RUVBL1: variants seen among roughly 807,000 people sequenced by gnomAD.
The protein encoded by RUVBL1 is ruvB-like 1.
A neutral mutation model predicts 52.4 loss-of-function variants in RUVBL1; 4 were observed. The observed-to-expected ratio is 0.08, with a 90% CI of 0.04 to 0.17. RUVBL1 has a LOEUF of 0.17. Ranked by LOEUF, RUVBL1 falls within the 10% of genes least tolerant of loss-of-function variation. The pLI, the probability that RUVBL1 is intolerant of heterozygous loss-of-function variation, is 1.00. For synonymous variants in RUVBL1, 217 were observed against 214.4 expected, an observed-to-expected ratio of 1.01 and a Z score of -0.10; for missense variants, 298 against 572.8, an observed-to-expected ratio of 0.52 and a Z score of 4.90.
At chr3:128,136,680 A>AAGACACACAC (rs1229644881) in intron 1 of RUVBL1, among the ~76,000 whole-genome samples, 1 of 152,114 alleles carries the variant, frequency 6.6e-6, no homozygotes, top group Non-Finnish European at 1.5e-5. Flanking sequence ...TTCACCTATA[A>AAGACACACAC]AGACACACAC....
chr3:128,138,282 C>CA (rs746048081), intron 1 of RUVBL1, among the ~76,000 whole-genome samples: 72 of 151,910 alleles, frequency 4.7e-4, no homozygotes, highest in African/African-American at 1.4e-3. Flanking sequence ...CTTATATTTA[C>CA]AAAAAACTAA....
chr3:128,073,824 G>A (rs1942237240), intron 9 of RUVBL1, among the ~76,000 whole-genome samples: 3 of 152,210 alleles, frequency 2.0e-5, no homozygotes, highest in African/African-American at 7.2e-5. Flanking sequence ...AGCTCAATAA[G>A]GCTAGAAACA....
At chr3:128,132,684 T>G (rs1355098317) in intron 1 of RUVBL1, among the ~76,000 whole-genome samples, 1 of 152,120 alleles carries the variant, frequency 6.6e-6, no homozygotes, top group East Asian at 1.9e-4. Flanking sequence ...AACCCAGACT[T>G]GGCAGGATTC....
intron 1 of RUVBL1, among the ~76,000 whole-genome samples, chr3:128,145,545 G>A (rs912405516): frequency 2.6e-5 from 4 of 152,346 alleles, no homozygotes; most frequent in African/African-American, 9.6e-5. Context: ...GTAGCCCGCG[G>A]GCGAGTGTTG....
upstream of RUVBL1, among the ~76,000 whole-genome samples, chr3:128,127,645 T>C (rs1217466854): frequency 1.3e-5 from 2 of 152,190 alleles, no homozygotes; most frequent in Admixed American, 6.5e-5. Context: ...TGGTGCCCTG[T>C]AACCACTGCA....
intron 8 of RUVBL1, among the ~76,000 whole-genome samples, chr3:128,095,204 G>A (rs1942940902): frequency 6.6e-6 from 1 of 152,214 alleles, no homozygotes; most frequent in South Asian, 2.1e-4. Context: ...TCCTGAGTGG[G>A]ATGGGACTGA....
intron 1 of RUVBL1, among the ~76,000 whole-genome samples, chr3:128,150,961 CTATATAT>C (rs1323706834): frequency 4.0e-4 from 31 of 77,192 alleles, no homozygotes; most frequent in East Asian, 1.8e-3. Flanking sequence ...ATTATATATT[CTATATAT>C]TATATATTAT....
At chr3:128,104,471 T>G (rs1449128358) in intron 4 of RUVBL1, among the ~76,000 whole-genome samples, 4 of 152,242 alleles carry the variant, frequency 2.6e-5, no homozygotes, top group Non-Finnish European at 5.9e-5. Flanking sequence ...TGATGCATGG[T>G]CATAATATGG....
At chr3:128,130,897 A>G (rs1943868235) in intron 1 of RUVBL1, among the ~76,000 whole-genome samples, 1 of 151,134 alleles carries the variant, frequency 6.6e-6, no homozygotes, top group Non-Finnish European at 1.5e-5. Context: ...TGATCTGCCC[A>G]CCTCGGCCTC....
At chr3:128,123,929 C>T (rs751417016), upstream of RUVBL1, 1 of 1,235,556 alleles carries the variant, frequency 8.1e-7, no homozygotes, top group Non-Finnish European at 1.0e-6. Context: ...GCTCCGGTCA[C>T]CCACTTCCGT....
exon 10 of RUVBL1, chr3:128,064,838 T>C (rs1201874594): frequency 6.5e-7 from 1 of 1,529,086 alleles, no homozygotes; most frequent in East Asian, 2.3e-5. Context: ...TTGAGTTGCC[T>C]GTTCGTTCCT....
intron 1 of RUVBL1, among the ~76,000 whole-genome samples, chr3:128,145,782 T>A (rs958711663): frequency 6.6e-6 from 1 of 152,194 alleles, no homozygotes; most frequent in Non-Finnish European, 1.5e-5. Context: ...TTTCAAATTT[T>A]AAAAAATTTA....
At chr3:128,121,656 G>A (rs1453212222) in intron 1 of RUVBL1, among the ~76,000 whole-genome samples, 1 of 148,574 alleles carries the variant, frequency 6.7e-6, no homozygotes, top group East Asian at 2.0e-4. Flanking sequence ...GTTGCAGTGA[G>A]CCGAGATCGC....
At chr3:128,080,187 G>A (rs746178912), downstream of RUVBL1, among the ~76,000 whole-genome samples, 3 of 152,202 alleles carry the variant, frequency 2.0e-5, no homozygotes, top group Admixed American at 2.0e-4. Flanking sequence ...AGGGACACAC[G>A]AGCCAACTGA....
chr3:128,153,882 C>G (rs1296948037), exon 1 of RUVBL1: 9 of 1,440,284 alleles, frequency 6.2e-6, no homozygotes, highest in Non-Finnish European at 7.2e-6. Flanking sequence ...GACCGGGCCC[C>G]GTGTCCGAAT....
chr3:128,104,827 G>A lies in RUVBL1; in HGVS notation c.459C>T (p.Thr153=), dbSNP rs112954833. 1.7e-5 allele frequency: 28 copies of A among 1,613,368 alleles called. 1 individual carries two copies. Among genetic ancestry groups the A allele is most frequent in the African/African-American group, 6.7e-5 (5 of 74,906 alleles). Reference sequence around the variant, plus strand: ...TGAGTCCTATGATCACATGGCTAATGGTTTTGCCATATCCTCCCATGGGAT... The same window carrying A: ...TGAGTCCTATGATCACATGGCTAATAGTTTTGCCATATCCTCCCATGGGAT... ...TENPMGGYGK[T]ISHVIIGLKT... is the part of the protein sequence containing the mutation. The change falls in exon 4 of 11, where the codon ACC becomes ACT. Residue 153 remains threonine (T), a synonymous_variant. Coordinates refer to ENST00000322623, the MANE Select transcript of RUVBL1 (RefSeq NM_003707.3).
upstream of RUVBL1, chr3:128,123,932 A>T (rs1227199002): frequency 8.1e-7 from 1 of 1,236,176 alleles, no homozygotes; most frequent in East Asian, 3.3e-5. Context: ...CCGGTCACCC[A>T]CTTCCGTCTG....
At chr3:128,139,150 T>A (rs1048687817) in intron 1 of RUVBL1, among the ~76,000 whole-genome samples, 1 of 152,096 alleles carries the variant, frequency 6.6e-6, no homozygotes, top group African/African-American at 2.4e-5. Flanking sequence ...ATTTCTTGAG[T>A]AATACCCCAT....
chr3:128,115,094 C>T (rs566402496), intron 2 of RUVBL1, among the ~76,000 whole-genome samples: 55 of 152,272 alleles, frequency 3.6e-4, no homozygotes, highest in African/African-American at 1.2e-3. Flanking sequence ...TATTCCTACA[C>T]CTACTACAGA....
Sources: allele counts gnomAD v4.1 joint callset (sites outside exome capture counted in the v4.1 genomes callset), GRCh38; gene constraint gnomAD v4.1.1; transcripts MANE v1.5; gene names NCBI Gene and HGNC (gene_info 2026-07-23, HGNC 2026-07-21).